PKLR: variants seen among roughly 807,000 people sequenced by gnomAD.
The protein encoded by PKLR is pyruvate kinase L/R.
PKLR carries 38 observed loss-of-function variants against 53.6 expected under a neutral mutation model. The ratio of observed to expected loss-of-function variants is 0.71; its 90% CI spans 0.55 to 0.93. The LOEUF (loss-of-function observed/expected upper bound fraction) is 0.93. PKLR is among the 40% of genes least tolerant of loss of function. The pLI, the probability that PKLR is intolerant of heterozygous loss-of-function variation, is 0.00. For missense variants in PKLR, 702 were observed against 787.3 expected (o/e 0.89, Z 1.30); for synonymous variants, 328 against 316.2 (o/e 1.04, Z -0.39).
intron 1 of PKLR, chr1:155,300,763 G>T: frequency 8.5e-7 from 1 of 1,175,236 alleles, no homozygotes; most frequent in Non-Finnish European, 1.2e-6. Context: ...CTGGCTACTG[G>T]CTGGCTTCCC....
At chr1:155,294,015 C>A (rs572114725) in intron 7 of PKLR, among the ~76,000 whole-genome samples, 2 of 152,332 alleles carry the variant, frequency 1.3e-5, no homozygotes, top group South Asian at 4.1e-4. Flanking sequence ...CACCTGTAAT[C>A]CCCACTACTT....
chr1:155,303,998 A>G (rs1348285889), upstream of PKLR, among the ~76,000 whole-genome samples: 2 of 152,124 alleles, frequency 1.3e-5, no homozygotes, highest in Non-Finnish European at 2.9e-5. Flanking sequence ...AAGAGCTGCA[A>G]TGAGGCTGAG....
At chr1:155,298,663 CAG>C (rs1378298118) in intron 2 of PKLR, among the ~76,000 whole-genome samples, 4 of 149,454 alleles carry the variant, frequency 2.7e-5, no homozygotes, top group African/African-American at 5.0e-5. Flanking sequence ...AACAAACAAA[CAG>C]AGTTTCGCTC....
chr1:155,300,390 C>A, intron 1 of PKLR, 110 bp from the exon 2 acceptor site: 1 of 812,306 alleles, frequency 1.2e-6, no homozygotes, highest in South Asian at 1.5e-5. Context: ...GGGCATCATG[C>A]ATATATTATT....
rs8177976 is a variant in PKLR at position 155,294,081 on chromosome 1, G to A, written c.1116+154C>T. 8.0e-3 allele frequency among the ~76,000 whole-genome samples: 1,222 copies of A among 152,238 alleles called. 13 individuals are homozygous for A. The highest frequency in any genetic ancestry group is 0.029 in the African/African-American group (1,188 of 41,548). On this transcript the variant is annotated intron_variant, in intron 7 of 10. Transcript: ENST00000342741. ...CCAAGAGGCGGAGGTTGCAGTGAGC[G>A]GAGATTGCGCCACTGCACTCCAGCC...
In PKLR at chr1:155,295,880, C is replaced by T. The variant is rs1010952844; in HGVS notation, c.284-124G>A. ...CGTCCTGTTACCTGATCTTTATTCC[C>T]TGATGCAACCCCTGCCCACAGATCA... On this transcript the variant is annotated intron_variant, in intron 2 of 10. Coordinates refer to ENST00000342741, the MANE Select transcript of PKLR (RefSeq NM_000298.6). The surrounding 1 kb of genome is among the most constrained non-coding windows in gnomAD (Gnocchi z 4.3). 3.8e-6 allele frequency: 3 copies of T among 782,248 alleles called. No homozygotes were observed. Among genetic ancestry groups the T allele is most frequent in the Non-Finnish European group, 6.6e-6 (3 of 452,206 alleles). 48.5% of individuals were successfully genotyped at this position (782,248 alleles called of 1,614,324 possible). A position where few individuals can be genotyped will look rare whatever the true frequency, so the allele number is the denominator to read the frequency against.
At chr1:155,308,298 A>G in the PKLR span, among the ~76,000 whole-genome samples, 1 of 150,316 alleles carries the variant, frequency 6.7e-6, no homozygotes, top group African/African-American at 2.4e-5. Flanking sequence ...CGAACTCCTG[A>G]CCTCATGATC....
upstream of PKLR, among the ~76,000 whole-genome samples, chr1:155,306,281 C>T (rs1176088477): frequency 6.6e-6 from 1 of 152,232 alleles, no homozygotes; most frequent in Non-Finnish European, 1.5e-5. This position sits in a 1 kb window ranked among gnomAD's most constrained non-coding sequence, Gnocchi z 4.2. Flanking sequence ...CACAAACACA[C>T]ATGCTCCAAC....
In PKLR at chr1:155,294,522, T is replaced by G; in HGVS notation, c.925A>C (p.Lys309Gln). The G allele has an allele frequency of 6.2e-7, 1 of 1,614,208 alleles. No homozygotes were observed. Among genetic ancestry groups the G allele is most frequent in the Admixed American group, 1.7e-5 (1 of 60,026 alleles). Residue 309 changes from lysine to glutamine, a missense_variant, in exon 6 of 11, where the codon AAG (lysine) becomes CAG (glutamine). Transcript: ENST00000342741. ...TGGTTCTCAATTTTGCTGATGATCT[T>G]GATGCCGTGTCCTTCCGGACCCAGA... is the stretch of plus-strand genomic sequence containing the variant. ...AALGPEGHGI[K>Q]IISKIENHEG...
In PKLR at chr1:155,295,938, T is replaced by A. The variant is rs1163732374; in HGVS notation, c.284-182A>T. Among the ~76,000 whole-genome samples the A allele has an allele frequency of 6.6e-6, 1 of 152,058 alleles. No individual in the cohort carries two copies. The highest frequency in any genetic ancestry group is 2.4e-5 in the African/African-American group (1 of 41,390). ...CCCTTCCCTCTCAAGCCAACATCCA[T>A]CCCCTTGGGGAGGCAGCAGTGTGGA... On this transcript the variant is annotated intron_variant, in intron 2 of 10. Coordinates refer to ENST00000342741, the MANE Select transcript of PKLR (RefSeq NM_000298.6). This position sits in a 1 kb window ranked among gnomAD's most constrained non-coding sequence, Gnocchi z 4.3.
In PKLR at chr1:155,290,688, G is replaced by A. The variant is rs1674492240; in HGVS notation, c.1619-10C>T. ...AAGCCACGGAGCTTTCCTGGGGGAGGGAAAGAAAACAAATCATTGGACAGG... is the reference window on the plus strand; with the variant it reads ...AAGCCACGGAGCTTTCCTGGGGGAGAGAAAGAAAACAAATCATTGGACAGG... On this transcript the variant is annotated splice_polypyrimidine_tract_variant and intron_variant, in intron 10 of 10. Transcript: ENST00000342741. The A allele has an allele frequency of 3.9e-6, 6 of 1,553,556 alleles. No homozygotes were observed. Among genetic ancestry groups the A allele is most frequent in the Non-Finnish European group, 5.3e-6 (6 of 1,125,662 alleles).
chr1:155,294,642 C>T lies in PKLR; in HGVS notation c.805G>A (p.Val269Ile). Residue 269 changes from valine to isoleucine, a missense_variant, in exon 6 of 11, where the codon GTC becomes ATC. Val to Ile is a conservative substitution (Grantham distance 29). Coordinates refer to ENST00000342741, the MANE Select transcript of PKLR (RefSeq NM_000298.6). ...VDLPGLSEQD[V>I]RDLRFGVEHG... ...TCCACCCCGAAGCGCAGGTCTCGGA[C>T]GTCCTGCTCGGACAGCCCGGGCAAG... 6.2e-7 allele frequency: 1 copy of T among 1,614,194 alleles called. No homozygotes were observed. Among genetic ancestry groups the T allele is most frequent in the Non-Finnish European group, 8.5e-7 (1 of 1,180,048 alleles).
chr1:155,294,090 G>T, intron 7 of PKLR, 145 bp downstream of exon 7: 2 of 905,838 alleles, frequency 2.2e-6, no homozygotes. Flanking sequence ...CGGAGATTGC[G>T]CCACTGCACT....
rs1325293184 is a variant in PKLR, at chr1:155,295,158, A to G, written c.652T>C (p.Tyr218His). 6.2e-7 allele frequency: 1 copy of G among 1,614,104 alleles called. No individual in the cohort carries two copies. Among genetic ancestry groups the G allele is most frequent in the Non-Finnish European group, 8.5e-7 (1 of 1,179,974 alleles). ...AGGGAGATGAGCCCGTCGTCAATGT[A>G]GATGCGGCCCCCCACCGGCACGACC... ...VRVVPVGGRIYIDDGLISLVV... is the reference protein window; with the variant it reads ...VRVVPVGGRIHIDDGLISLVV... Residue 218 changes from tyrosine (Y) to histidine (H), a missense_variant, in exon 5 of 11, where the codon TAC becomes CAC. Tyr to His is a moderately conservative substitution (Grantham distance 83). Transcript: ENST00000342741. The surrounding 1 kb of genome is among the most constrained non-coding windows in gnomAD (Gnocchi z 4.3).
At chr1:155,300,062 G>C (rs770907234) in intron 2 of PKLR, 36 bp downstream of exon 2, 1 of 1,573,588 alleles carries the variant, frequency 6.4e-7, no homozygotes, top group South Asian at 1.1e-5. Context: ...AATACCAATA[G>C]GCCCTGTGTG....
At chr1:155,292,708 T>C (rs1201353940) in intron 9 of PKLR, among the ~76,000 whole-genome samples, 1 of 152,166 alleles carries the variant, frequency 6.6e-6, no homozygotes, top group Non-Finnish European at 1.5e-5. Context: ...AAGTCCATTA[T>C]GTGCTTAATT....
Position 155,295,495 on chromosome 1 carries a change from G to A in PKLR, c.449C>T (p.Pro150Leu). The A allele has an allele frequency of 6.2e-7, 1 of 1,610,402 alleles. No homozygotes were observed. The highest frequency in any genetic ancestry group is 8.5e-7 in the Non-Finnish European group (1 of 1,178,488). ...CTTGGTGTCCAGGGCGATGGCCACG[G>A]GCCGGTAGCTGAGTGGGGAACCTGC... The part of the protein sequence containing the change: ...SFAGSPLSYR[P>L]VAIALDTKGP... The change falls in exon 4 of 11, where the codon CCC becomes CTC. Residue 150 changes from proline to leucine, a missense_variant. Transcript: ENST00000342741. This position sits in a 1 kb window ranked among gnomAD's most constrained non-coding sequence, Gnocchi z 4.3.
intron 9 of PKLR, among the ~76,000 whole-genome samples, chr1:155,292,889 T>C (rs1447672646): frequency 6.6e-6 from 1 of 152,172 alleles, no homozygotes; most frequent in Non-Finnish European, 1.5e-5. Context: ...CCTTCTGTAA[T>C]ACCTCAGTAT....
Position 155,295,070 on chromosome 1 carries a change from T to A in PKLR, c.694+46A>T, listed in dbSNP as rs768021113. 15 of 1,595,718 alleles carry A rather than the reference T, an allele frequency of 9.4e-6. No homozygotes were observed. The South Asian group carries it at 1.3e-4, about 14-fold the overall frequency. On this transcript the variant is annotated intron_variant, in intron 5 of 10. Coordinates refer to ENST00000342741, the MANE Select transcript of PKLR (RefSeq NM_000298.6). This position sits in a 1 kb window ranked among gnomAD's most constrained non-coding sequence, Gnocchi z 4.3. The stretch of plus-strand genomic sequence containing the variant: ...GATGGGGGAGCCAAGGAGAAGGGAA[T>A]GTGCCCAGCGCACGGATGTGGTCAG...
Sources: allele counts gnomAD v4.1 joint callset (sites outside exome capture counted in the v4.1 genomes callset), GRCh38; gene constraint gnomAD v4.1.1; non-coding constraint Gnocchi (gnomAD v3.1); transcripts MANE v1.5; gene names NCBI Gene and HGNC (gene_info 2026-07-23, HGNC 2026-07-21).